Variants in RAD1 observed in about 807,000 individuals in gnomAD.
RAD1 encodes cell cycle checkpoint protein RAD1.
Under a neutral mutation model 30.0 loss-of-function variants are expected in RAD1, and 21 were observed. The ratio of observed to expected loss-of-function variants is 0.70; its 90% confidence interval spans 0.50 to 1.01. RAD1 has a LOEUF of 1.01. RAD1 is among the 50% of genes least tolerant of loss of function. RAD1 has a pLI of 0.00. For synonymous variants in RAD1, 109 were observed against 113.6 expected (o/e 0.96, Z 0.26); for missense variants, 329 against 329.0 (o/e 1.00, Z 0.00).
At chr5:34,911,479 G>A in intron 4 of RAD1, 75 bp downstream of exon 4, 2 of 1,514,730 alleles carry the variant, frequency 1.3e-6, no homozygotes, top group Non-Finnish European at 1.8e-6. Context: ...TAAAAATTTT[G>A]CATCCTAAGC....
intron 2 of RAD1, chr5:34,914,342 C>A: frequency 3.4e-6 from 1 of 295,990 alleles, no homozygotes; most frequent in Non-Finnish European, 6.5e-6. Flanking sequence ...ATATATAAAA[C>A]GGGAATAATA....
chr5:34,914,967 G>GTAA lies in RAD1; in HGVS notation c.-69-7_-69-6insTTA. 1.3e-6 allele frequency: 2 copies of GTAA among 1,519,090 alleles called. No homozygotes were observed. Among genetic ancestry groups the GTAA allele is most frequent in the Non-Finnish European group, 9.0e-7 (1 of 1,108,306 alleles). 94.1% of individuals were successfully genotyped at this position (1,519,090 alleles called of 1,614,324 possible). On this transcript the variant is annotated splice_polypyrimidine_tract_variant and splice_region_variant and intron_variant, in intron 1 of 5. Transcript: ENST00000382038. ...CTCGGCGGATCGCCAAACACCTGAA[G>GTAA]GGATTAGACAGTAAAACTCCCATCA...
At chr5:34,912,418 A>C (rs1763875507) in intron 3 of RAD1, among the ~76,000 whole-genome samples, 2 of 152,240 alleles carry the variant, frequency 1.3e-5, no homozygotes, top group African/African-American at 4.8e-5. Flanking sequence ...TCCTTACTGG[A>C]TTGAGAGCCA....
Position 34,914,928 on chromosome 5 carries a change from G to C in RAD1, c.-36C>G, listed in dbSNP as rs1390936875. The C allele has an allele frequency of 1.2e-6, 2 of 1,610,584 alleles. No homozygotes were observed. The highest frequency in any genetic ancestry group is 4.5e-5 in the East Asian group (2 of 44,840). On this transcript the variant is annotated 5_prime_UTR_variant, in exon 2 of 6. Coordinates refer to ENST00000382038, the MANE Select transcript of RAD1 (RefSeq NM_002853.4). ...GCATTCGGCCCCGAGGGATGCTCCT[G>C]GGGCCAACAACTTCTCGGCGGATCG... is the stretch of plus-strand genomic sequence containing the variant.
chr5:34,914,048 G>A (rs1405986270), intron 2 of RAD1: 2 of 455,940 alleles, frequency 4.4e-6, no homozygotes, highest in South Asian at 3.1e-5. Context: ...CAAGAACCGT[G>A]TCTTATTTAC....
Position 34,911,800 on chromosome 5 carries a change from G to A in RAD1, c.320C>T (p.Ala107Val), listed in dbSNP as rs777265221. ...ATAACCTTGGTAACACATTCGAAGT[G>A]CAGTTAAAGTCCCTGCAATGGAAAG... ...GSSPMPGTLT[A>V]LRMCYQGYGY... The change falls in exon 4 of 6, where the codon GCA becomes GTA. Residue 107 changes from alanine (A) to valine (V), a missense_variant. Coordinates refer to ENST00000382038, the MANE Select transcript of RAD1 (RefSeq NM_002853.4). 2 of 1,614,094 alleles carry A rather than the reference G, an allele frequency of 1.2e-6. No individual in the cohort carries two copies. Among genetic ancestry groups the A allele is most frequent in the South Asian group, 1.1e-5 (1 of 91,070 alleles).
intron 2 of RAD1, 168 bp from the exon 3 acceptor site, chr5:34,913,746 C>T (rs972578767): frequency 3.4e-6 from 2 of 583,640 alleles, no homozygotes; most frequent in Non-Finnish European, 6.1e-6. Flanking sequence ...TTGAAGCATC[C>T]TTATCTCCAT....
At chr5:34,912,987 G>A (rs1021651204) in intron 3 of RAD1, among the ~76,000 whole-genome samples, 1 of 152,156 alleles carries the variant, frequency 6.6e-6, no homozygotes, top group Non-Finnish European at 1.5e-5. Context: ...GGCAACAAGA[G>A]AGAAACTCTG....
intron 1 of RAD1, 36 bp from the exon 2 acceptor site, chr5:34,914,997 T>TG: frequency 7.7e-7 from 1 of 1,295,602 alleles, no homozygotes; most frequent in Non-Finnish European, 1.1e-6. Flanking sequence ...CCATCAGTGC[T>TG]GGCGAGGTCC....
chr5:34,915,076 C>G, intron 1 of RAD1, 115 bp from the exon 2 acceptor site: 1 of 605,262 alleles, frequency 1.7e-6, no homozygotes, highest in South Asian at 2.0e-5. Flanking sequence ...CAGGCCGAAC[C>G]CCACCTATGT....
chr5:34,906,479 A>G lies in RAD1; in HGVS notation c.*2286T>C, dbSNP rs1763658694. On this transcript the variant is annotated 3_prime_UTR_variant, in exon 6 of 6. Transcript: ENST00000382038. ...CATAGTAAAACCCCATCTCTACAAA[A>G]AATACAAAAATTAGCAGGGCATGGA... The G allele has an allele frequency of 6.6e-6, 1 of 152,004 alleles. No individual in the cohort carries two copies. The highest frequency in any genetic ancestry group is 2.4e-5 in the African/African-American group (1 of 41,394). The allele number at this position is 152,004 out of a possible 1,614,324, so 9.4% of individuals were successfully genotyped here. A position where few individuals can be genotyped will look rare whatever the true frequency, so the allele number is the denominator to read the frequency against.
Position 34,908,930 on chromosome 5 carries a change from C to T in RAD1, c.684G>A (p.Leu228=), listed in dbSNP as rs776753259. ...GGACTAATGCCTTTGTAGAGGGTTT[C>T]AGTAAGGAAATCTTGTATCTGTAGA... ...TQVNRYKISL[L]KPSTKALVLS... The change falls in exon 6 of 6, where the codon CTG becomes CTA. Residue 228 remains leucine (L), a synonymous_variant. Coordinates refer to ENST00000382038, the MANE Select transcript of RAD1 (RefSeq NM_002853.4). 1 of 1,607,642 alleles carries T rather than the reference C, an allele frequency of 6.2e-7. No individual in the cohort carries two copies. Among genetic ancestry groups the T allele is most frequent in the African/African-American group, 1.3e-5 (1 of 74,524 alleles).
chr5:34,913,846 AT>A (rs1204591183), intron 2 of RAD1: 5 of 490,028 alleles, frequency 1.0e-5, no homozygotes, highest in Non-Finnish European at 2.0e-5. Context: ...AAATAGACGA[AT>A]GACTTGATAA....
rs562188098 is a variant in RAD1, at chr5:34,907,172, C to T, written c.*1593G>A. 2 of 152,230 alleles carry T rather than the reference C, an allele frequency of 1.3e-5. No individual in the cohort carries two copies. The highest frequency in any genetic ancestry group is 4.1e-4 in the South Asian group (2 of 4,822). The allele number at this position is 152,230 out of a possible 1,614,324, so 9.4% of individuals were successfully genotyped here. A position where few individuals can be genotyped will look rare whatever the true frequency, so the allele number is the denominator to read the frequency against. On this transcript the variant is annotated 3_prime_UTR_variant, in exon 6 of 6. Transcript: ENST00000382038. ...CACTTTGCTGTAATACTCTCCAAAC[C>T]AATTTTCTCTAATGCTATGTGACCT... is the stretch of plus-strand genomic sequence containing the variant.
At chr5:34,911,475 T>G in intron 4 of RAD1, 79 bp downstream of exon 4, 3 of 1,507,248 alleles carry the variant, frequency 2.0e-6, no homozygotes, top group Non-Finnish European at 2.7e-6. Context: ...ATAATAAAAA[T>G]TTTGCATCCT....
At chr5:34,912,749 C>T (rs1763888018) in intron 3 of RAD1, among the ~76,000 whole-genome samples, 1 of 152,072 alleles carries the variant, frequency 6.6e-6, no homozygotes, top group African/African-American at 2.4e-5. Context: ...CCTGTAATCC[C>T]AGAACTTAGA....
In RAD1 at chr5:34,911,046, G is replaced by A. The variant is rs41271713; in HGVS notation, c.566+508C>T. 3.9e-3 allele frequency among the ~76,000 whole-genome samples: 597 copies of A among 152,268 alleles called. 1 individual carries two copies. The highest frequency in any genetic ancestry group is 6.5e-3 in the Non-Finnish European group (439 of 68,022). ...CTATCTTGGTACTTAATGGTTTGCT[G>A]TTTCACATTTTCTTGGCTTCACCTT... On this transcript the variant is annotated intron_variant, in intron 4 of 5. Transcript: ENST00000382038.
In RAD1 at chr5:34,906,887, G is replaced by A. The variant is rs1296127062; in HGVS notation, c.*1878C>T. The A allele has an allele frequency of 2.0e-5, 3 of 151,966 alleles. No homozygotes were observed. The highest frequency in any genetic ancestry group is 3.9e-4 in the East Asian group (2 of 5,176). The allele number at this position is 151,966 out of a possible 1,614,324, so 9.4% of individuals were successfully genotyped here. ...GTTGACTGATTAGATATTTTCCCAA[G>A]TATCTTTTAGGTTTGTTCTGTTCTT... On this transcript the variant is annotated 3_prime_UTR_variant, in exon 6 of 6. Coordinates refer to ENST00000382038, the MANE Select transcript of RAD1 (RefSeq NM_002853.4).
chr5:34,915,154 G>A (rs765025118), intron 1 of RAD1, among the ~76,000 whole-genome samples, 193 bp from the exon 2 acceptor site: 1 of 152,198 alleles, frequency 6.6e-6, no homozygotes, highest in Non-Finnish European at 1.5e-5. Flanking sequence ...TCCGTAAGAG[G>A]ACAATAACGT....
Sources: gnomAD v4.1 joint callset for allele counts (sites outside exome capture counted in the v4.1 genomes callset) on GRCh38, gnomAD v4.1.1 for gene constraint, MANE v1.5 for transcripts, NCBI Gene and HGNC (gene_info 2026-07-23, HGNC 2026-07-21) for gene names.